Variants in CEP112 observed in about 807,000 individuals in gnomAD.
The protein encoded by CEP112 is centrosomal protein of 112 kDa.
In CEP112, 127 loss-of-function variants were observed where a neutral mutation model predicts 153.0. That is an observed-to-expected ratio of 0.83 (90% CI 0.72 to 0.96). CEP112 has a LOEUF of 0.96. Among genes scored for constraint, CEP112 ranks in the 40% least tolerant of loss-of-function variants. The probability of loss-of-function intolerance (pLI) is 0.00; values close to 1 mark genes in which losing one functional copy is unlikely to be tolerated. For missense variants in CEP112, 1,089 were observed against 1,101.2 expected, an observed-to-expected ratio of 0.99 and a Z score of 0.16; for synonymous variants, 358 against 374.4, an observed-to-expected ratio of 0.96 and a Z score of 0.51.
At chr17:65,820,256 A>T (rs888191482) in intron 21 of CEP112, among the ~76,000 whole-genome samples, 1 of 151,974 alleles carries the variant, frequency 6.6e-6, no homozygotes, top group Non-Finnish European at 1.5e-5. Flanking sequence ...TCTAGTGCCA[A>T]TTCAAATATT....
At chr17:65,958,907 C>T (rs1379822931) in intron 18 of CEP112, among the ~76,000 whole-genome samples, 1 of 152,166 alleles carries the variant, frequency 6.6e-6, no homozygotes, top group Non-Finnish European at 1.5e-5. Flanking sequence ...ACTTCCTCCC[C>T]TCTGAGGCAC....
chr17:66,053,833 T>C lies in CEP112; in HGVS notation c.1121A>G (p.Gln374Arg), dbSNP rs749545054. 2 of 1,613,352 alleles carry C rather than the reference T, an allele frequency of 1.2e-6. No homozygotes were observed. Among genetic ancestry groups the C allele is most frequent in the Non-Finnish European group, 1.7e-6 (2 of 1,179,548 alleles). The change falls in exon 12 of 27, where the codon CAA (glutamine) becomes CGA (arginine). Residue 374 changes from glutamine (Q) to arginine (R), a missense_variant. Gln to Arg is a conservative substitution (Grantham distance 43). Transcript: ENST00000535342. ...AEMEQEKFDL[Q>R]KQHTENIQEL... ...TTGAATGTTTTCAGTGTGTTGCTTTTGAAGATCAAACTTTTCCTGTTCCAT... is the reference window on the plus strand; with the variant it reads ...TTGAATGTTTTCAGTGTGTTGCTTTCGAAGATCAAACTTTTCCTGTTCCAT...
chr17:66,047,265 C>T (rs985895214), intron 12 of CEP112, among the ~76,000 whole-genome samples: 4 of 152,090 alleles, frequency 2.6e-5, no homozygotes, highest in African/African-American at 4.8e-5. Flanking sequence ...TACAGGCACA[C>T]GCCACCATGC....
At chr17:66,073,941 A>G (rs976492961) in intron 8 of CEP112, among the ~76,000 whole-genome samples, 3 of 152,176 alleles carry the variant, frequency 2.0e-5, no homozygotes, top group Non-Finnish European at 4.4e-5. Context: ...AAAATAAAAA[A>G]GAAAAGAAAA....
chr17:65,911,388 T>C (rs2143819261), intron 19 of CEP112, among the ~76,000 whole-genome samples: 1 of 152,320 alleles, frequency 6.6e-6, no homozygotes, highest in South Asian at 2.1e-4. Flanking sequence ...GGCAGTTTAA[T>C]TTTTCTCTAA....
intron 12 of CEP112, among the ~76,000 whole-genome samples, chr17:66,030,779 T>C (rs557519521): frequency 6.6e-6 from 1 of 152,290 alleles, no homozygotes; most frequent in East Asian, 1.9e-4. Context: ...AAGCATTAGA[T>C]GAAGGGACAG....
chr17:65,936,786 G>A (rs73349042), intron 18 of CEP112, among the ~76,000 whole-genome samples: 7 of 130,144 alleles, frequency 5.4e-5, no homozygotes, highest in South Asian at 3.2e-4. Context: ...AAGTCTCTCC[G>A]TCTACCTCTC....
intron 16 of CEP112, among the ~76,000 whole-genome samples, chr17:66,006,896 A>G (rs1364226095): frequency 2.0e-5 from 3 of 152,206 alleles, no homozygotes; most frequent in African/African-American, 7.2e-5. Flanking sequence ...AACAGGTTTA[A>G]GAGAGAAACG....
intron 18 of CEP112, among the ~76,000 whole-genome samples, chr17:65,948,699 A>G (rs1294885223): frequency 8.7e-6 from 1 of 114,418 alleles, no homozygotes; most frequent in Non-Finnish European, 1.8e-5. Context: ...TCACCATTTC[A>G]GTATAAATTA....
chr17:65,706,453 C>T (rs1348052610), intron 23 of CEP112, among the ~76,000 whole-genome samples: 2 of 152,194 alleles, frequency 1.3e-5, no homozygotes, highest in Non-Finnish European at 2.9e-5. Flanking sequence ...GCTTTAGTTA[C>T]ACTTAACTTG....
intron 24 of CEP112, among the ~76,000 whole-genome samples, chr17:65,676,639 T>C (rs1206135949): frequency 5.9e-5 from 9 of 152,190 alleles, no homozygotes; most frequent in African/African-American, 1.7e-4. Context: ...GGCCATATAG[T>C]AGGTGCTCAG....
Position 66,149,884 on chromosome 17 carries a change from G to GTTTTTTTTTTTT in CEP112, c.471-17122_471-17121insAAAAAAAAAAAA, listed in dbSNP as rs1242689416. ...AAATTTAGGGTTTTTTTTTTTGTTT[G>GTTTTTTTTTTTT]TTTGTTTTTTTTTTTTTTTTTTTTT... On this transcript the variant is annotated intron_variant, in intron 4 of 26. Coordinates refer to ENST00000535342, the MANE Select transcript of CEP112 (RefSeq NM_001199165.4). Among the ~76,000 whole-genome samples the GTTTTTTTTTTTT allele has an allele frequency of 5.1e-4, 24 of 46,824 alleles. 2 individuals carry two copies. Among genetic ancestry groups the GTTTTTTTTTTTT allele is most frequent in the East Asian group, 1.3e-3 (2 of 1,536 alleles). The allele number at this position is 46,824 out of a possible 152,430, so 30.7% of individuals were successfully genotyped here.
At chr17:66,124,498 T>C (rs947621308) in intron 6 of CEP112, among the ~76,000 whole-genome samples, 7 of 152,128 alleles carry the variant, frequency 4.6e-5, no homozygotes, top group Middle Eastern at 3.2e-3. Context: ...AGATGGGCGC[T>C]AACTGCTGCC....
At chr17:65,679,675 G>A (rs1294845250) in intron 24 of CEP112, among the ~76,000 whole-genome samples, 1 of 152,086 alleles carries the variant, frequency 6.6e-6, no homozygotes. Flanking sequence ...CTTCTTTAAG[G>A]CTGCCTGTGA....
chr17:66,058,011 T>C, intron 11 of CEP112, among the ~76,000 whole-genome samples: 1 of 151,758 alleles, frequency 6.6e-6, no homozygotes, highest in East Asian at 1.9e-4. Flanking sequence ...GAGAAGAGCT[T>C]GAATCCAGGA....
rs1225322432 is a variant in CEP112 at position 66,029,197 on chromosome 17, T to G, written c.1429A>C (p.Met477Leu). The change falls in exon 14 of 27, where the codon ATG (methionine) becomes CTG (leucine). Residue 477 changes from methionine to leucine, a missense_variant. Physicochemically the swap from Met to Leu is conservative, Grantham distance 15 (BLOSUM62 2). Coordinates refer to ENST00000535342, the MANE Select transcript of CEP112 (RefSeq NM_001199165.4). ...TCATATTTGGTTTGTAACAGTTTCA[T>G]GTTTTGCTCATAATCATTTACAAGA... is the stretch of plus-strand genomic sequence containing the variant. Reference protein sequence around the residue: ...DHLVNDYEQNMKLLQTKYDAD... With the variant: ...DHLVNDYEQNLKLLQTKYDAD... 1 of 1,611,536 alleles carries G rather than the reference T, an allele frequency of 6.2e-7. No homozygotes were observed. Among genetic ancestry groups the G allele is most frequent in the Admixed American group, 1.7e-5 (1 of 59,958 alleles).
chr17:65,871,426 G>A (rs1316939851), intron 20 of CEP112, among the ~76,000 whole-genome samples: 1 of 152,160 alleles, frequency 6.6e-6, no homozygotes, highest in Non-Finnish European at 1.5e-5. Context: ...ACGAGGTCAG[G>A]AGATCAAGAC....
At chr17:66,101,954 A>G (rs1305996349) in intron 6 of CEP112, among the ~76,000 whole-genome samples, 1 of 152,192 alleles carries the variant, frequency 6.6e-6, no homozygotes, top group African/African-American at 2.4e-5. Context: ...TAGAAAGAAG[A>G]GATGGCTATT....
At chr17:65,707,100 C>A (rs1052092251) in intron 23 of CEP112, among the ~76,000 whole-genome samples, 1 of 152,132 alleles carries the variant, frequency 6.6e-6, no homozygotes, top group Non-Finnish European at 1.5e-5. Flanking sequence ...TATATTGTCC[C>A]TTTTCTGGTC....
Sources: gnomAD v4.1 joint callset for allele counts (sites outside exome capture counted in the v4.1 genomes callset) on GRCh38, gnomAD v4.1.1 for gene constraint, MANE v1.5 for transcripts, NCBI Gene and HGNC (gene_info 2026-07-23, HGNC 2026-07-21) for gene names.